Variants in CHD9 observed in about 807,000 individuals in gnomAD.
CHD9 encodes the protein chromodomain helicase DNA binding protein 9.
A neutral mutation model predicts 316.1 loss-of-function variants in CHD9; 77 were observed. The observed-to-expected ratio is 0.24, with a 90% confidence interval of 0.20 to 0.29. The LOEUF (loss-of-function observed/expected upper bound fraction) is 0.29. Ranked by LOEUF, CHD9 falls within the 10% of genes least tolerant of loss-of-function variation. The probability of loss-of-function intolerance (pLI) is 1.00; values close to 1 mark genes in which losing one functional copy is unlikely to be tolerated. For synonymous variants in CHD9, 1,129 were observed against 1,158.3 expected (o/e 0.97, Z 0.51); for missense variants, 2,763 against 3,438.1 (o/e 0.80, Z 4.91).
intron 2 of CHD9, among the ~76,000 whole-genome samples, chr16:53,193,033 C>T (rs902372596): frequency 7.5e-4 from 114 of 151,686 alleles, no homozygotes; most frequent in Non-Finnish European, 1.3e-3. Context: ...GTATGTTGAA[C>T]TTATAAAAAA....
intron 30 of CHD9, among the ~76,000 whole-genome samples, chr16:53,300,900 T>G (rs1176435840): frequency 1.3e-5 from 2 of 152,086 alleles, no homozygotes; most frequent in Non-Finnish European, 2.9e-5. Flanking sequence ...TGGTGAAACC[T>G]TGTCTATACT....
Position 53,132,793 on chromosome 16 carries a change from C to CTTTTTTTT in CHD9, c.-164-23113_-164-23106dup, listed in dbSNP as rs748626858. ...AGACTTTCCATTTCTTCTAATTCTG[C>CTTTTTTTT]TTTTTTTTTTTTTTTTTTTTTTTTT... is the stretch of plus-strand genomic sequence containing the variant. On this transcript the variant is annotated intron_variant, in intron 1 of 38. Coordinates refer to ENST00000447540, the MANE Select transcript of CHD9 (RefSeq NM_001308319.2). Among the ~76,000 whole-genome samples the CTTTTTTTT allele has an allele frequency of 1.2e-3, 85 of 68,512 alleles. 2 individuals carry two copies. Among genetic ancestry groups the CTTTTTTTT allele is most frequent in the Non-Finnish European group, 1.6e-3 (54 of 33,616 alleles). 44.9% of individuals were successfully genotyped at this position (68,512 alleles called of 152,430 possible). A position where few individuals can be genotyped will look rare whatever the true frequency, so the allele number is the denominator to read the frequency against.
In CHD9 at chr16:53,324,623, C is replaced by T. The variant is rs368806986; in HGVS notation, c.8422C>T (p.Leu2808Phe). The change falls in exon 39 of 39, where the codon CTC becomes TTC. Residue 2808 changes from leucine to phenylalanine, a missense_variant. Coordinates refer to ENST00000447540, the MANE Select transcript of CHD9 (RefSeq NM_001308319.2). ...TAATATACTTTATCCAGGGATGCTTCTCACTCCAGGCCTTAATCTTCATAT... is the reference window on the plus strand; with the variant it reads ...TAATATACTTTATCCAGGGATGCTTTTCACTCCAGGCCTTAATCTTCATAT... ...LSNILYPGML[L>F]TPGLNLHIPT... The T allele has an allele frequency of 4.3e-6, 7 of 1,613,746 alleles. No individual in the cohort carries two copies. Among genetic ancestry groups the T allele is most frequent in the Non-Finnish European group, 5.9e-6 (7 of 1,179,836 alleles).
chr16:53,178,988 A>G (rs2043286993), intron 2 of CHD9, among the ~76,000 whole-genome samples: 1 of 152,094 alleles, frequency 6.6e-6, no homozygotes, highest in Non-Finnish European at 1.5e-5. Flanking sequence ...TAACCACTGC[A>G]TTCTAGCCTG....
At chr16:53,077,836 G>A (rs1033776596) in intron 1 of CHD9, among the ~76,000 whole-genome samples, 1 of 151,400 alleles carries the variant, frequency 6.6e-6, no homozygotes, top group African/African-American at 2.5e-5. Context: ...CACTTTGGGA[G>A]GCCAAGTCAG....
At chr16:53,200,264 G>C (rs1044354543) in intron 2 of CHD9, among the ~76,000 whole-genome samples, 1 of 151,772 alleles carries the variant, frequency 6.6e-6, no homozygotes, top group African/African-American at 2.4e-5. Context: ...CCAGCTACTT[G>C]GGAGGCTGAG....
intron 2 of CHD9, among the ~76,000 whole-genome samples, chr16:53,204,056 TATACACACACACACAC>T (rs2045687729): frequency 9.0e-6 from 1 of 111,458 alleles, no homozygotes; most frequent in Non-Finnish European, 1.8e-5. Flanking sequence ...AAAATATATA[TATACACACACACACAC>T]ACACACACAC....
intron 2 of CHD9, chr16:53,208,361 T>C (rs1235690927): frequency 7.8e-7 from 1 of 1,277,608 alleles, no homozygotes; most frequent in South Asian, 1.3e-5. Flanking sequence ...AGTGAAAGCC[T>C]GAATGAGTGG....
chr16:53,294,761 G>T (rs1051720264), intron 29 of CHD9, among the ~76,000 whole-genome samples: 1 of 152,182 alleles, frequency 6.6e-6, no homozygotes, highest in Non-Finnish European at 1.5e-5. Flanking sequence ...GATTCTACCC[G>T]TTAATGGAAA....
chr16:53,211,963 C>T (rs757624068), intron 3 of CHD9, among the ~76,000 whole-genome samples: 1 of 152,044 alleles, frequency 6.6e-6, no homozygotes, highest in Non-Finnish European at 1.5e-5. Flanking sequence ...TCAACTAGCA[C>T]CATTTTATAA....
At chr16:53,221,917 T>G (rs1204227198) in intron 3 of CHD9, among the ~76,000 whole-genome samples, 1 of 152,122 alleles carries the variant, frequency 6.6e-6, no homozygotes, top group Non-Finnish European at 1.5e-5. Flanking sequence ...GAAAAAAATC[T>G]GTCATTGGAA....
At chr16:53,103,080 C>T (rs923148502) in intron 1 of CHD9, among the ~76,000 whole-genome samples, 10 of 150,892 alleles carry the variant, frequency 6.6e-5, no homozygotes, top group Admixed American at 2.0e-4. Flanking sequence ...CTCCTGACCT[C>T]GTGATCCGCC....
intron 36 of CHD9, among the ~76,000 whole-genome samples, chr16:53,317,960 G>A (rs1332278850): frequency 2.0e-5 from 3 of 151,966 alleles, no homozygotes; most frequent in Non-Finnish European, 4.4e-5. Context: ...GAGAGGCTGA[G>A]GTGGGAGGAT....
intron 2 of CHD9, among the ~76,000 whole-genome samples, chr16:53,197,231 G>A (rs1396723221): frequency 1.3e-5 from 2 of 152,166 alleles, no homozygotes; most frequent in African/African-American, 4.8e-5. Flanking sequence ...CCATTTCCTA[G>A]GAGTTTGGAA....
chr16:53,270,940 G>C (rs1351235436), intron 22 of CHD9, among the ~76,000 whole-genome samples: 1 of 152,116 alleles, frequency 6.6e-6, no homozygotes, highest in Non-Finnish European at 1.5e-5. Context: ...GATGAAAACT[G>C]ACTCAAAATT....
chr16:53,130,047 T>C (rs2039151007), intron 1 of CHD9, among the ~76,000 whole-genome samples: 1 of 152,162 alleles, frequency 6.6e-6, no homozygotes, highest in African/African-American at 2.4e-5. Context: ...CTTAAATTCT[T>C]GCGTTTATTT....
At chr16:53,214,091 G>C (rs1375863484) in intron 3 of CHD9, among the ~76,000 whole-genome samples, 1 of 152,128 alleles carries the variant, frequency 6.6e-6, no homozygotes, top group East Asian at 1.9e-4. Flanking sequence ...AAATGATATT[G>C]TGTCTGTATT....
At chr16:53,083,003 T>G (rs762820919) in intron 1 of CHD9, among the ~76,000 whole-genome samples, 1 of 152,180 alleles carries the variant, frequency 6.6e-6, no homozygotes, top group Non-Finnish European at 1.5e-5. Context: ...TGTGTCTTCC[T>G]TGTTCATTGA....
intron 1 of CHD9, among the ~76,000 whole-genome samples, chr16:53,119,278 G>C (rs2038559362): frequency 6.6e-6 from 1 of 151,714 alleles, no homozygotes; most frequent in Non-Finnish European, 1.5e-5. Context: ...ATAAAGCTGG[G>C]GAGGGAAGAA....
Sources: gnomAD v4.1 joint callset for allele counts (sites outside exome capture counted in the v4.1 genomes callset) on GRCh38, gnomAD v4.1.1 for gene constraint, MANE v1.5 for transcripts, NCBI Gene and HGNC (gene_info 2026-07-23, HGNC 2026-07-21) for gene names.